UMODL1: variants seen among roughly 807,000 people sequenced by gnomAD.
The protein encoded by UMODL1 is uromodulin like 1, also known as uromodulin-like 1.
UMODL1 carries 128 observed loss-of-function variants against 136.3 expected under a neutral mutation model. The ratio of observed to expected loss-of-function variants is 0.94; its 90% CI spans 0.81 to 1.09. The LOEUF is 1.09. Ranked by LOEUF, UMODL1 falls within the 50% of genes least tolerant of loss-of-function variation. The probability of loss-of-function intolerance (pLI) is 0.00; values close to 1 mark genes in which losing one functional copy is unlikely to be tolerated. For missense variants in UMODL1, 1,766 were observed against 1,725.6 expected (o/e 1.02, Z -0.41); for synonymous variants, 721 against 720.0 (o/e 1.00, Z -0.02).
intron 20 of UMODL1, chr21:42,128,072 T>G: frequency 1.6e-6 from 1 of 622,528 alleles, no homozygotes; most frequent in Non-Finnish European, 3.0e-6. Context: ...TGAGCTGAGT[T>G]CCTTCTTGAG....
Position 42,137,648 on chromosome 21 carries a change from G to A in UMODL1, c.*21+7G>A, listed in dbSNP as rs1384861120. The A allele has an allele frequency of 1.5e-6, 1 of 668,622 alleles. No homozygotes were observed. 41.4% of individuals were successfully genotyped at this position (668,622 alleles called of 1,614,324 possible). On this transcript the variant is annotated splice_region_variant and intron_variant, in intron 22 of 22. Transcript: ENST00000408910. ...GGCGCAGGCTGACAGGAAGGTGGGT[G>A]CGGAGTGGGGTGGGAGGTGCAGGCT... is the stretch of plus-strand genomic sequence containing the variant.
At chr21:42,101,313 G>T (rs944416616) in intron 7 of UMODL1, among the ~76,000 whole-genome samples, 5 of 152,086 alleles carry the variant, frequency 3.3e-5, no homozygotes, top group African/African-American at 1.2e-4. Flanking sequence ...AGAATCGGAG[G>T]CCACATGGAG....
intron 15 of UMODL1, 96 bp from the exon 16 acceptor site, chr21:42,120,991 C>G: frequency 1.4e-6 from 2 of 1,470,276 alleles, no homozygotes; most frequent in Non-Finnish European, 1.8e-6. Flanking sequence ...GAGTTTCCAG[C>G]TTTGTCTGTG....
rs142710231 is a variant in UMODL1 at position 42,118,308 on chromosome 21, G to A, written c.2476-803G>A. On this transcript the variant is annotated intron_variant, in intron 14 of 22. Coordinates refer to ENST00000408910, the MANE Select transcript of UMODL1 (RefSeq NM_001004416.3). ...TCCACAGGCTCTGAGAGGGACAATG[G>A]ATCTGTTCACCTTGGTGGCCCAGAA... Among the ~76,000 whole-genome samples, 438 of 152,374 alleles carry A rather than the reference G, an allele frequency of 2.9e-3. 2 individuals are homozygous for A. The highest frequency in any genetic ancestry group is 4.6e-3 in the Admixed American group (71 of 15,298).
chr21:42,137,567 T>C lies in UMODL1; in HGVS notation c.3904T>C (p.Tyr1302His), dbSNP rs750979514. The C allele has an allele frequency of 4.6e-5, 75 of 1,614,044 alleles. No homozygotes were observed. The highest frequency in any genetic ancestry group is 6.4e-5 in the Non-Finnish European group (75 of 1,180,048). The change falls in exon 22 of 23, where the codon TAC (tyrosine) becomes CAC (histidine). Residue 1302 changes from tyrosine to histidine, a missense_variant. Coordinates refer to ENST00000408910, the MANE Select transcript of UMODL1 (RefSeq NM_001004416.3). The stretch of plus-strand genomic sequence containing the variant: ...GCGCTACCAGAGAATGAATGGGAGA[T>C]ACAACTTTAAAATCCAGTCCAACAA... ...IVRYQRMNGR[Y>H]NFKIQSNNFS...
At chr21:42,067,873 T>G (rs1395582496), upstream of UMODL1, among the ~76,000 whole-genome samples, 3 of 152,174 alleles carry the variant, frequency 2.0e-5, no homozygotes, top group African/African-American at 7.2e-5. Context: ...GGCCACAGTC[T>G]CCGAAGTGGA....
intron 21 of UMODL1, among the ~76,000 whole-genome samples, chr21:42,136,121 A>G: frequency 6.6e-6 from 1 of 152,100 alleles, no homozygotes; most frequent in Non-Finnish European, 1.5e-5. Flanking sequence ...GCAGAGGGTC[A>G]CATCTCCCCC....
At chr21:42,134,275 G>A (rs1014553748) in intron 21 of UMODL1, among the ~76,000 whole-genome samples, 1 of 152,160 alleles carries the variant, frequency 6.6e-6, no homozygotes. Context: ...GAATCCATTC[G>A]GGCATCTTCC....
chr21:42,133,720 C>G (rs2067162956), intron 21 of UMODL1, among the ~76,000 whole-genome samples: 1 of 152,200 alleles, frequency 6.6e-6, no homozygotes. Context: ...GCAGCTGCCT[C>G]CCTCCAGTCT....
At chr21:42,111,792 G>T (rs2066836008) in intron 12 of UMODL1, 82 bp downstream of exon 12, 2 of 1,375,118 alleles carry the variant, frequency 1.5e-6, no homozygotes, top group Admixed American at 2.4e-5. Context: ...AGCTCCTGCA[G>T]CCGTGGAGTC....
intron 21 of UMODL1, among the ~76,000 whole-genome samples, chr21:42,135,535 C>T (rs1430650557): frequency 6.6e-6 from 1 of 152,168 alleles, no homozygotes; most frequent in East Asian, 1.9e-4. Context: ...GAGCGGGTCT[C>T]CTTGGTCTTT....
intron 5 of UMODL1, among the ~76,000 whole-genome samples, chr21:42,089,103 G>A (rs1452212838): frequency 6.6e-6 from 1 of 152,196 alleles, no homozygotes; most frequent in Non-Finnish European, 1.5e-5. Flanking sequence ...GCGGGCCCAC[G>A]TGGTCTCTGT....
chr21:42,108,784 G>A (rs1025430445), intron 9 of UMODL1, among the ~76,000 whole-genome samples: 1 of 108,936 alleles, frequency 9.2e-6, no homozygotes, highest in Non-Finnish European at 1.8e-5. Flanking sequence ...CAAGTCTTTG[G>A]GCACAGGAGG....
Position 42,064,058 on chromosome 21 carries a change from G to T in UMODL1, c.-141+844G>T, listed in dbSNP as rs182235842. On this transcript the variant is annotated intron_variant, in intron 1 of 22. Transcript: ENST00000400424. ...CTGGCCGTTATATGGATGCCTTGGG[G>T]CTTGGGGGGTTTCTGGCAGTCTGTC... Among the ~76,000 whole-genome samples the T allele has an allele frequency of 2.9e-3, 441 of 152,282 alleles. 3 individuals are homozygous for T. Among genetic ancestry groups the T allele is most frequent in the African/African-American group, 9.2e-3 (381 of 41,554 alleles).
intron 22 of UMODL1, among the ~76,000 whole-genome samples, chr21:42,141,034 C>G (rs1166181476): frequency 6.6e-6 from 1 of 152,182 alleles, no homozygotes; most frequent in African/African-American, 2.4e-5. Flanking sequence ...GCTTCCCCAG[C>G]CAAGCCCGTC....
At chr21:42,127,285 G>A in intron 19 of UMODL1, 43 bp downstream of exon 19, 1 of 1,553,222 alleles carries the variant, frequency 6.4e-7, no homozygotes, top group Non-Finnish European at 8.9e-7. Context: ...GCAATGCCTG[G>A]GGCTTTATTA....
intron 1 of UMODL1, among the ~76,000 whole-genome samples, chr21:42,072,493 T>C (rs966219951): frequency 1.3e-5 from 2 of 152,150 alleles, no homozygotes; most frequent in African/African-American, 4.8e-5. Flanking sequence ...TGGGTGGGTA[T>C]CCTGGGAAGC....
chr21:42,125,910 C>G (rs1197837661), intron 17 of UMODL1, among the ~76,000 whole-genome samples: 1 of 152,234 alleles, frequency 6.6e-6, no homozygotes, highest in Non-Finnish European at 1.5e-5. Context: ...CTGCAGCCGG[C>G]AGCTCCCTCT....
chr21:42,071,321 T>C lies in UMODL1; in HGVS notation c.5T>C (p.Leu2Pro). The C allele has an allele frequency of 6.3e-7, 1 of 1,589,318 alleles. No individual in the cohort carries two copies. Among genetic ancestry groups the C allele is most frequent in the Non-Finnish European group, 8.6e-7 (1 of 1,168,104 alleles). ...TACTGCCACCACTGCCGGACGATGCTCAGGACCTCGGGGCTGGCACTGCTG... is the reference window on the plus strand; with the variant it reads ...TACTGCCACCACTGCCGGACGATGCCCAGGACCTCGGGGCTGGCACTGCTG... M[L>P]RTSGLALLAL... is the part of the protein sequence containing the mutation. The change falls in exon 1 of 23, where the codon CTC becomes CCC. Residue 2 changes from leucine (L) to proline (P), a missense_variant. By Grantham distance (98) the Leu-to-Pro change is moderately conservative (BLOSUM62 -3). Transcript: ENST00000408910.
Sources: allele counts gnomAD v4.1 joint callset (sites outside exome capture counted in the v4.1 genomes callset), GRCh38; gene constraint gnomAD v4.1.1; transcripts MANE v1.5; gene names NCBI Gene and HGNC (gene_info 2026-07-23, HGNC 2026-07-21).